VIPR2: variants seen among roughly 807,000 people sequenced by gnomAD.
VIPR2 encodes the protein vasoactive intestinal polypeptide receptor 2.
Under a neutral mutation model 58.0 loss-of-function variants are expected in VIPR2, and 48 were observed. The observed-to-expected ratio is 0.83, with a 90% CI of 0.66 to 1.05. VIPR2 has a LOEUF of 1.05. Ranked by LOEUF, VIPR2 falls within the 50% of genes least tolerant of loss-of-function variation. The pLI is 0.00. For missense variants in VIPR2, 534 were observed against 558.0 expected, an observed-to-expected ratio of 0.96 and a Z score of 0.43; for synonymous variants, 243 against 235.2, an observed-to-expected ratio of 1.03 and a Z score of -0.30.
intron 3 of VIPR2, among the ~76,000 whole-genome samples, chr7:159,105,305 G>A (rs764431018): frequency 2.6e-5 from 4 of 152,232 alleles, no homozygotes; most frequent in East Asian, 1.9e-4. Context: ...CAGCCAGAGC[G>A]GAGCCCCTGT....
Position 159,043,841 on chromosome 7 carries a change from C to T in VIPR2, c.456-665G>A, listed in dbSNP as rs183294353. 3.5e-3 allele frequency among the ~76,000 whole-genome samples: 536 copies of T among 152,300 alleles called. 5 individuals are homozygous for T. Among genetic ancestry groups the T allele is most frequent in the South Asian group, 0.021 (99 of 4,824 alleles). On this transcript the variant is annotated intron_variant, in intron 5 of 12. Coordinates refer to ENST00000262178, the MANE Select transcript of VIPR2 (RefSeq NM_003382.5). Reference sequence around the variant, plus strand: ...GCTGGAAGCTGAATGAATAAGCTCCCGCCACCTCAGGAGACACTTGGCAGG... The same window carrying T: ...GCTGGAAGCTGAATGAATAAGCTCCTGCCACCTCAGGAGACACTTGGCAGG...
intron 4 of VIPR2, among the ~76,000 whole-genome samples, chr7:159,094,732 CCA>C: frequency 6.6e-6 from 1 of 152,200 alleles, no homozygotes; most frequent in Non-Finnish European, 1.5e-5. Flanking sequence ...CCATGCCGTG[CCA>C]CACACCTTAT....
intron 5 of VIPR2, among the ~76,000 whole-genome samples, chr7:159,044,686 G>C (rs1854544914): frequency 6.6e-6 from 1 of 150,768 alleles, no homozygotes; most frequent in Non-Finnish European, 1.5e-5. Context: ...AAAAGAGATA[G>C]AAATTAGAAA....
intron 8 of VIPR2, chr7:159,035,724 G>A (rs1853901388): frequency 1.0e-6 from 1 of 985,440 alleles, no homozygotes; most frequent in Non-Finnish European, 1.2e-6. Context: ...TCTCAACTAT[G>A]CTGCAAAACC....
chr7:159,123,078 A>AG (rs907342116), intron 2 of VIPR2, among the ~76,000 whole-genome samples: 5 of 152,202 alleles, frequency 3.3e-5, no homozygotes, highest in African/African-American at 9.6e-5. Flanking sequence ...GCAGATCACG[A>AG]GGTCAAGAGA....
At chr7:159,064,060 G>A (rs957800742) in intron 4 of VIPR2, among the ~76,000 whole-genome samples, 1 of 152,006 alleles carries the variant, frequency 6.6e-6, no homozygotes, top group African/African-American at 2.4e-5. Flanking sequence ...GCAGCACTGA[G>A]GCCTGGGGCG....
At chr7:159,081,893 T>C (rs940132815) in intron 4 of VIPR2, among the ~76,000 whole-genome samples, 4 of 152,118 alleles carry the variant, frequency 2.6e-5, no homozygotes, top group African/African-American at 4.8e-5. Context: ...ATCAGAGAAA[T>C]GCAAATCAAA....
chr7:159,033,410 C>T (rs532924065), intron 10 of VIPR2, among the ~76,000 whole-genome samples: 24 of 152,344 alleles, frequency 1.6e-4, no homozygotes, highest in Non-Finnish European at 2.6e-4. Flanking sequence ...GAGCCCGAGG[C>T]ACCTTCTGGG....
rs150138492 is a variant in VIPR2, at chr7:159,140,879, G to A, written c.151+1567C>T. Among the ~76,000 whole-genome samples, 549 of 152,316 alleles carry A rather than the reference G, an allele frequency of 3.6e-3. 1 individual carries two copies. Among genetic ancestry groups the A allele is most frequent in the African/African-American group, 0.013 (527 of 41,558 alleles). Reference sequence around the variant, plus strand: ...GGAGGCGTCGCCAATCTCAGGTTAAGCTAGGGTCCAGCTACCGTGCAGAGA... The same window carrying A: ...GGAGGCGTCGCCAATCTCAGGTTAAACTAGGGTCCAGCTACCGTGCAGAGA... On this transcript the variant is annotated intron_variant, in intron 2 of 12. Transcript: ENST00000262178.
chr7:159,032,004 G>T lies in VIPR2; in HGVS notation c.1035C>A (p.Ala345=). ...TGGAGGAGATGCTGATGGGAAACACGGCAAACACCATGTAGTGGACGCCGA... is the reference window on the plus strand; with the variant it reads ...TGGAGGAGATGCTGATGGGAAACACTGCAAACACCATGTAGTGGACGCCGA... The part of the protein sequence containing the change: ...PLFGVHYMVF[A]VFPISISSKY... Residue 345 remains alanine, a synonymous_variant, in exon 11 of 13, where the codon GCC becomes GCA. Transcript: ENST00000262178. 1 of 1,614,166 alleles carries T rather than the reference G, an allele frequency of 6.2e-7. No homozygotes were observed. The highest frequency in any genetic ancestry group is 8.5e-7 in the Non-Finnish European group (1 of 1,180,050).
At chr7:159,057,938 C>T (rs554072911) in intron 5 of VIPR2, among the ~76,000 whole-genome samples, 2 of 152,352 alleles carry the variant, frequency 1.3e-5, no homozygotes, top group South Asian at 4.1e-4. Context: ...ACGTGCCATG[C>T]TAAGCCCTTC....
intron 1 of VIPR2, chr7:159,144,325 C>T: frequency 6.6e-7 from 1 of 1,524,118 alleles, no homozygotes; most frequent in Non-Finnish European, 8.8e-7. Flanking sequence ...GACCGAGAGG[C>T]ATCTGCGGCC....
intron 4 of VIPR2, among the ~76,000 whole-genome samples, chr7:159,100,168 G>A (rs952755536): frequency 3.3e-5 from 5 of 152,104 alleles, no homozygotes; most frequent in East Asian, 3.9e-4. Flanking sequence ...GAGCTGTCCC[G>A]ACCAGATGGC....
intron 2 of VIPR2, among the ~76,000 whole-genome samples, chr7:159,110,593 T>TTG (rs397790333): frequency 4.0e-5 from 6 of 151,678 alleles, no homozygotes; most frequent in African/African-American, 1.5e-4. Context: ...CCCAGGACTT[T>TTG]CCTACTTGTC....
chr7:159,069,716 T>G (rs1229486935), intron 4 of VIPR2, among the ~76,000 whole-genome samples: 1 of 152,224 alleles, frequency 6.6e-6, no homozygotes, highest in Non-Finnish European at 1.5e-5. Flanking sequence ...TGCTGTTTAA[T>G]GCATCTGCTC....
chr7:159,082,481 T>TAA (rs1856959158), intron 4 of VIPR2, among the ~76,000 whole-genome samples: 1 of 149,414 alleles, frequency 6.7e-6, no homozygotes, highest in Admixed American at 6.6e-5. Context: ...GGTGGGGTCG[T>TAA]GGGGGAGGGA....
rs916489564 is a variant in VIPR2, at chr7:159,128,002, A to C, written c.151+14444T>G. 1.3e-5 allele frequency among the ~76,000 whole-genome samples: 2 copies of C among 152,124 alleles called. No homozygotes were observed. Among genetic ancestry groups the C allele is most frequent in the Non-Finnish European group, 2.9e-5 (2 of 68,012 alleles). On this transcript the variant is annotated intron_variant, in intron 2 of 12. Transcript: ENST00000262178. This position sits in a 1 kb window ranked among gnomAD's most constrained non-coding sequence, Gnocchi z 4.1. ...CTCTTCCTGGATCATCCCAGAACAT[A>C]CATCCACAGCGCCAGGACAAACCAC...
At chr7:159,056,846 C>A (rs1010093719) in intron 5 of VIPR2, among the ~76,000 whole-genome samples, 1 of 152,172 alleles carries the variant, frequency 6.6e-6, no homozygotes, top group African/African-American at 2.4e-5. Flanking sequence ...CTGCTTCTGA[C>A]AGAAGGACGT....
intron 2 of VIPR2, among the ~76,000 whole-genome samples, chr7:159,112,966 GC>G: frequency 6.6e-6 from 1 of 152,182 alleles, no homozygotes; most frequent in Non-Finnish European, 1.5e-5. Flanking sequence ...GACTGTGTGA[GC>G]AGGAGGCTCA....
Sources: allele counts gnomAD v4.1 joint callset (sites outside exome capture counted in the v4.1 genomes callset), GRCh38; gene constraint gnomAD v4.1.1; non-coding constraint Gnocchi (gnomAD v3.1); transcripts MANE v1.5; gene names NCBI Gene and HGNC (gene_info 2026-07-23, HGNC 2026-07-21).